The following NTNG1 variants were observed in gnomAD, a reference collection of about 807,000 sequenced individuals.
The protein encoded by NTNG1 is netrin G1.
NTNG1 carries 16 observed loss-of-function variants against 54.0 expected under a neutral mutation model. The observed-to-expected ratio is 0.30, with a 90% confidence interval of 0.20 to 0.45. The LOEUF (loss-of-function observed/expected upper bound fraction) is 0.45, where lower values mean the gene tolerates loss of function less well. Ranked by LOEUF, NTNG1 falls within the 20% of genes least tolerant of loss-of-function variation. NTNG1 has a pLI of 1.00. For synonymous variants in NTNG1, 255 were observed against 263.1 expected (o/e 0.97, Z 0.30); for missense variants, 530 against 678.7 (o/e 0.78, Z 2.43).
intron 2 of NTNG1, among the ~76,000 whole-genome samples, chr1:107,233,890 A>G (rs11185073): frequency 0.14 from 22,004 of 152,098 alleles, 3,253 homozygotes; most frequent in African/African-American, 0.39. Context: ...CTTCATTGGC[A>G]TCTACTCTAA....
At chr1:107,200,875 A>T (rs1177345708) in intron 2 of NTNG1, among the ~76,000 whole-genome samples, 1 of 151,836 alleles carries the variant, frequency 6.6e-6, no homozygotes, top group African/African-American at 2.4e-5. Flanking sequence ...TTTTCTTAGG[A>T]AAGCTATGAC....
intron 2 of NTNG1, among the ~76,000 whole-genome samples, chr1:107,220,075 G>GGCCAAGGC (rs1660238344): frequency 6.6e-6 from 1 of 152,144 alleles, no homozygotes; most frequent in Admixed American, 6.5e-5. Context: ...AAGGAGTGTG[G>GGCCAAGGC]TTTCCAGGCC....
intron 2 of NTNG1, among the ~76,000 whole-genome samples, chr1:107,262,919 T>G (rs3125686): frequency 0.97 from 147,299 of 152,286 alleles, 71,405 homozygotes; most frequent in Non-Finnish European, 1. Flanking sequence ...TGTAATTAGA[T>G]GAACCACCAT....
intron 2 of NTNG1, among the ~76,000 whole-genome samples, chr1:107,304,872 C>T (rs1666578414): frequency 6.6e-6 from 1 of 152,066 alleles, no homozygotes; most frequent in Non-Finnish European, 1.5e-5. Flanking sequence ...TCTTCTAATG[C>T]TATCCCTCCC....
chr1:107,374,668 C>A (rs1671122596), intron 3 of NTNG1, among the ~76,000 whole-genome samples: 1 of 152,052 alleles, frequency 6.6e-6, no homozygotes, highest in African/African-American at 2.4e-5. Flanking sequence ...AATGTCCTGT[C>A]TGCTAATTCC....
chr1:107,202,307 T>TTA (rs56378942), intron 2 of NTNG1, among the ~76,000 whole-genome samples: 6,956 of 151,920 alleles, frequency 0.046, 162 homozygotes, highest in African/African-American at 0.054. Flanking sequence ...TTTGTTTAAC[T>TTA]TATATATATC....
intron 2 of NTNG1, among the ~76,000 whole-genome samples, chr1:107,239,830 T>C (rs1385561241): frequency 6.6e-6 from 1 of 152,186 alleles, no homozygotes; most frequent in Admixed American, 6.5e-5. Flanking sequence ...TGGATCTCAA[T>C]ATGAAATGAA....
intron 2 of NTNG1, among the ~76,000 whole-genome samples, chr1:107,251,790 A>T (rs77965795): frequency 0.019 from 2,913 of 151,764 alleles, 94 homozygotes; most frequent in African/African-American, 0.066. Context: ...GTTGCCACTG[A>T]CCTCTCCAGT....
chr1:107,448,842 T>A (rs1410234915), intron 7 of NTNG1, among the ~76,000 whole-genome samples: 1 of 152,108 alleles, frequency 6.6e-6, no homozygotes, highest in Non-Finnish European at 1.5e-5. Flanking sequence ...GTAGCCTATT[T>A]GTTTTCTTTC....
intron 5 of NTNG1, among the ~76,000 whole-genome samples, chr1:107,415,486 A>T (rs961717109): frequency 1.3e-5 from 2 of 152,170 alleles, no homozygotes; most frequent in Admixed American, 1.3e-4. Flanking sequence ...CTTATCTGGC[A>T]TTCCTGTTTT....
At chr1:107,321,528 G>C (rs186612822) in intron 2 of NTNG1, among the ~76,000 whole-genome samples, 1 of 152,058 alleles carries the variant, frequency 6.6e-6, no homozygotes, top group East Asian at 1.9e-4. Flanking sequence ...GCCTCCTCAT[G>C]TTTACAATAT....
intron 3 of NTNG1, among the ~76,000 whole-genome samples, chr1:107,327,670 A>G (rs1286997470): frequency 6.6e-6 from 1 of 151,964 alleles, no homozygotes; most frequent in Non-Finnish European, 1.5e-5. Flanking sequence ...ATATCTGATC[A>G]TGATAATGAT....
At chr1:107,326,066 A>C (rs1337412286) in intron 3 of NTNG1, among the ~76,000 whole-genome samples, 2 of 152,068 alleles carry the variant, frequency 1.3e-5, no homozygotes, top group African/African-American at 4.8e-5. Flanking sequence ...GCTGGGAGAA[A>C]GGTCACTGCT....
intron 2 of NTNG1, among the ~76,000 whole-genome samples, chr1:107,298,733 G>A (rs1229459541): frequency 6.6e-6 from 1 of 152,182 alleles, no homozygotes; most frequent in African/African-American, 2.4e-5. Context: ...GCCTGCACAT[G>A]CACACATCTG....
chr1:107,337,620 G>T (rs572267734), intron 3 of NTNG1, among the ~76,000 whole-genome samples: 14 of 133,482 alleles, frequency 1.0e-4, no homozygotes, highest in Non-Finnish European at 2.2e-4. Flanking sequence ...TATGTGTTAT[G>T]TGTATTTTAA....
Position 107,459,131 on chromosome 1 carries a change from T to C in NTNG1, c.1391-21480T>C, listed in dbSNP as rs1677124869. Among the ~76,000 whole-genome samples, 3 of 152,306 alleles carry C rather than the reference T, an allele frequency of 2.0e-5. No homozygotes were observed. The South Asian group carries it at 6.2e-4, about 32-fold the overall frequency. On this transcript the variant is annotated intron_variant, in intron 7 of 7. Coordinates refer to ENST00000370068, the MANE Select transcript of NTNG1 (RefSeq NM_001113226.3). ...ACTATCTATTATTACCTGAAGTATA[T>C]CAAAGAGGAAAAAGTTAAATTAGTT...
chr1:107,288,814 A>G (rs918293880), intron 2 of NTNG1, among the ~76,000 whole-genome samples: 4 of 152,168 alleles, frequency 2.6e-5, no homozygotes, highest in Non-Finnish European at 5.9e-5. Flanking sequence ...CAAAGGTTAC[A>G]TATTCAATCT....
intron 7 of NTNG1, among the ~76,000 whole-genome samples, chr1:107,457,373 C>A (rs547503453): frequency 1.3e-5 from 2 of 152,168 alleles, no homozygotes; most frequent in South Asian, 4.1e-4. Context: ...TCCATTTGCA[C>A]CTTTTACATT....
chr1:107,345,222 A>G (rs1333063052), intron 3 of NTNG1, among the ~76,000 whole-genome samples: 1 of 152,228 alleles, frequency 6.6e-6, no homozygotes, highest in Non-Finnish European at 1.5e-5. Flanking sequence ...AAATCTGGGT[A>G]AAATCAGATA....
Sources: gnomAD v4.1 joint callset for allele counts (sites outside exome capture counted in the v4.1 genomes callset) on GRCh38, gnomAD v4.1.1 for gene constraint, MANE v1.5 for transcripts, NCBI Gene and HGNC (gene_info 2026-07-23, HGNC 2026-07-21) for gene names.